Variants in SCN2A observed in about 807,000 individuals in gnomAD.
SCN2A encodes the protein sodium channel protein type 2 subunit alpha.
SCN2A carries 20 observed loss-of-function variants against 188.7 expected under a neutral mutation model. The ratio of observed to expected loss-of-function variants is 0.11; its 90% confidence interval spans 0.07 to 0.15. SCN2A has a LOEUF of 0.15. SCN2A is among the 10% of genes least tolerant of loss of function. The probability of loss-of-function intolerance (pLI) is 1.00; values close to 1 mark genes in which losing one functional copy is unlikely to be tolerated. For missense variants in SCN2A, 1,278 were observed against 2,445.0 expected (o/e 0.52, Z 10.07); for synonymous variants, 804 against 833.1 (o/e 0.97, Z 0.60).
At chr2:165,380,997 A>G in intron 24 of SCN2A, 96 bp from the exon 25 acceptor site, 1 of 841,914 alleles carries the variant, frequency 1.2e-6, no homozygotes, top group Admixed American at 2.2e-5. Context: ...TAACAATAGA[A>G]TGAAATGTGG....
chr2:165,253,328 A>C (rs1042420439), intron 1 of SCN2A, among the ~76,000 whole-genome samples: 1 of 152,060 alleles, frequency 6.6e-6, no homozygotes, highest in Admixed American at 6.6e-5. Context: ...AGACTTTGAC[A>C]GTTCTGTTTC....
chr2:165,298,001 T>A (rs1696599442), intron 3 of SCN2A, among the ~76,000 whole-genome samples: 1 of 152,172 alleles, frequency 6.6e-6, no homozygotes, highest in African/African-American at 2.4e-5. Flanking sequence ...GTCTTGGGAA[T>A]GCCAATGAAG....
At chr2:165,372,298 T>G (rs1047624566) in intron 20 of SCN2A, 1 of 152,174 alleles carries the variant, frequency 6.6e-6, no homozygotes, top group Admixed American at 6.5e-5. Context: ...TGTGCAAAAT[T>G]ATTTTGAATA....
At chr2:165,301,245 G>A (rs1283399876) in intron 3 of SCN2A, among the ~76,000 whole-genome samples, 1 of 152,126 alleles carries the variant, frequency 6.6e-6, no homozygotes, top group East Asian at 1.9e-4. Flanking sequence ...GAGGAGTTGA[G>A]GAGTTAGGTG....
At chr2:165,388,185 C>T (rs1011188456) in intron 26 of SCN2A, among the ~76,000 whole-genome samples, 1 of 152,160 alleles carries the variant, frequency 6.6e-6, no homozygotes, top group Admixed American at 6.5e-5. Flanking sequence ...ATGTTTTCTT[C>T]TGTACATCAC....
intron 10 of SCN2A, among the ~76,000 whole-genome samples, chr2:165,314,504 G>A (rs950792948): frequency 6.6e-6 from 1 of 152,144 alleles, no homozygotes; most frequent in Non-Finnish European, 1.5e-5. Flanking sequence ...ACCAGAGGTG[G>A]TAAGGGTCAG....
chr2:165,322,847 C>T (rs1816918), intron 11 of SCN2A, among the ~76,000 whole-genome samples: 4 of 152,158 alleles, frequency 2.6e-5, no homozygotes, highest in Non-Finnish European at 5.9e-5. Flanking sequence ...TCTAGATGCC[C>T]GTAACAGGAC....
intron 1 of SCN2A, chr2:165,274,470 G>C (rs970074238): frequency 1.3e-5 from 2 of 151,986 alleles, no homozygotes; most frequent in African/African-American, 4.8e-5. Context: ...GGAATGACTG[G>C]AAGTAATGGA....
chr2:165,302,303 T>G (rs1393611179), intron 3 of SCN2A, among the ~76,000 whole-genome samples: 2 of 152,224 alleles, frequency 1.3e-5, no homozygotes, highest in Non-Finnish European at 2.9e-5. Flanking sequence ...ATGTGACATT[T>G]ACTCGATTTT....
At chr2:165,329,370 C>T (rs889794312) in intron 13 of SCN2A, among the ~76,000 whole-genome samples, 3 of 152,158 alleles carry the variant, frequency 2.0e-5, no homozygotes, top group Non-Finnish European at 4.4e-5. Context: ...GCAAAAGACA[C>T]AGATTTACTG....
chr2:165,342,594 G>A (rs1194048070), intron 15 of SCN2A, 125 bp downstream of exon 15: 18 of 1,016,934 alleles, frequency 1.8e-5, no homozygotes, highest in South Asian at 2.7e-5. Context: ...AAAACAAATT[G>A]GATTGCCATA....
chr2:165,314,186 G>T (rs1028446659), intron 10 of SCN2A, 78 bp downstream of exon 10: 2 of 1,436,678 alleles, frequency 1.4e-6, no homozygotes, highest in African/African-American at 2.8e-5. Context: ...CAGTGGCAAG[G>T]TAGTTGACAT....
At chr2:165,290,468 T>C (rs1696044641) in intron 1 of SCN2A, among the ~76,000 whole-genome samples, 1 of 152,204 alleles carries the variant, frequency 6.6e-6, no homozygotes, top group African/African-American at 2.4e-5. Flanking sequence ...ATAAATGGTT[T>C]CATAGCTCTT....
chr2:165,355,090 A>G (rs898045150), intron 17 of SCN2A, among the ~76,000 whole-genome samples: 1 of 152,186 alleles, frequency 6.6e-6, no homozygotes, highest in Admixed American at 6.5e-5. Context: ...CTTAATTCTT[A>G]CGAAATACGT....
chr2:165,258,993 T>C (rs557887643), intron 1 of SCN2A, among the ~76,000 whole-genome samples: 1 of 152,146 alleles, frequency 6.6e-6, no homozygotes, highest in East Asian at 1.9e-4. Flanking sequence ...GTACTAAGCT[T>C]ATTGCCTGGA....
intron 1 of SCN2A, among the ~76,000 whole-genome samples, chr2:165,254,336 G>C (rs1464131679): frequency 6.6e-6 from 1 of 151,588 alleles, no homozygotes; most frequent in Non-Finnish European, 1.5e-5. Flanking sequence ...GTAGTTGTAT[G>C]TTTTATTTAA....
Position 165,389,624 on chromosome 2 carries a change from T to G in SCN2A, c.5818T>G (p.Cys1940Gly). Residue 1940 changes from cysteine to glycine, a missense_variant, in exon 27 of 27, where the codon TGT becomes GGT. This residue lies in a region of SCN2A where 109 missense variants were observed against 137.9 expected (regional missense o/e 0.79). Coordinates refer to ENST00000375437, the MANE Select transcript of SCN2A (RefSeq NM_001040142.2). This position sits in a 1 kb window ranked among gnomAD's most constrained non-coding sequence, Gnocchi z 4.2. ...SIYKKDKGKE[C>G]DGTPIKEDTL... ...ATACAAGAAAGACAAAGGCAAAGAA[T>G]GTGATGGAACACCCATCAAAGAAGA... 1 of 1,613,942 alleles carries G rather than the reference T, an allele frequency of 6.2e-7. No homozygotes were observed. Among genetic ancestry groups the G allele is most frequent in the South Asian group, 1.1e-5 (1 of 91,080 alleles).
chr2:165,267,228 A>C (rs1694908035), intron 1 of SCN2A: 1 of 152,074 alleles, frequency 6.6e-6, no homozygotes, highest in African/African-American at 2.4e-5. Flanking sequence ...TGGTTGCATC[A>C]CACTGCCTGA....
chr2:165,376,754 A>T (rs1237255999), intron 22 of SCN2A, among the ~76,000 whole-genome samples: 1 of 151,574 alleles, frequency 6.6e-6, no homozygotes, highest in Non-Finnish European at 1.5e-5. Context: ...AGAGAAAGAG[A>T]GAGAGACTTT....
Sources: allele counts gnomAD v4.1 joint callset (sites outside exome capture counted in the v4.1 genomes callset), GRCh38; gene constraint gnomAD v4.1.1; regional missense constraint gnomAD v4.1.1; non-coding constraint Gnocchi (gnomAD v3.1); transcripts MANE v1.5; gene names NCBI Gene and HGNC (gene_info 2026-07-23, HGNC 2026-07-21).